STXBP4: variants seen among roughly 807,000 people sequenced by gnomAD.
STXBP4 encodes syntaxin binding protein 4, also known as syntaxin-binding protein 4.
In STXBP4, 55 loss-of-function variants were observed where a neutral mutation model predicts 76.1. That is an observed-to-expected ratio of 0.72 (90% CI 0.58 to 0.91). STXBP4 has a LOEUF of 0.91. Among genes scored for constraint, STXBP4 ranks in the 40% least tolerant of loss-of-function variants. STXBP4 has a pLI of 0.00. For missense variants in STXBP4, 618 were observed against 636.9 expected (o/e 0.97, Z 0.32); for synonymous variants, 201 against 220.2 (o/e 0.91, Z 0.77).
At chr17:55,042,795 A>T (rs981101666) in intron 10 of STXBP4, among the ~76,000 whole-genome samples, 2 of 152,162 alleles carry the variant, frequency 1.3e-5, no homozygotes, top group Non-Finnish European at 2.9e-5. Context: ...AACCAGATAC[A>T]TAATCGATAA....
intron 16 of STXBP4, among the ~76,000 whole-genome samples, chr17:55,113,773 C>G (rs2079750471): frequency 6.6e-6 from 1 of 152,076 alleles, no homozygotes; most frequent in Admixed American, 6.6e-5. Flanking sequence ...TAGTCCTTTT[C>G]TAACTTGCTA....
chr17:55,050,311 C>A (rs2078844086), intron 12 of STXBP4, among the ~76,000 whole-genome samples: 1 of 151,876 alleles, frequency 6.6e-6, no homozygotes, highest in South Asian at 2.1e-4. Context: ...AGGCAAAAGA[C>A]CTGAACAGAT....
At chr17:55,063,878 AC>A (rs1199823620) in intron 12 of STXBP4, among the ~76,000 whole-genome samples, 1 of 152,182 alleles carries the variant, frequency 6.6e-6, no homozygotes, top group African/African-American at 2.4e-5. Context: ...TTAAACATCT[AC>A]TTAGAAGCTG....
intron 16 of STXBP4, among the ~76,000 whole-genome samples, chr17:55,118,942 T>TTTTA (rs544402218): frequency 1.8e-4 from 26 of 147,262 alleles, no homozygotes; most frequent in Admixed American, 9.6e-4. Flanking sequence ...ATTAACTGAT[T>TTTTA]TATATATATA....
rs1375707348 is a variant in STXBP4, at chr17:55,159,971, A to G, written c.*60A>G. The G allele has an allele frequency of 3.8e-6, 4 of 1,049,838 alleles. No homozygotes were observed. The highest frequency in any genetic ancestry group is 5.9e-6 in the Non-Finnish European group (4 of 679,184). 65.0% of individuals were successfully genotyped at this position (1,049,838 alleles called of 1,614,324 possible). ...TGTGAGCAGAGACGCATAACATCCAATTCTGAGATGAAACAGTCTAAAATA... is the reference window on the plus strand; with the variant it reads ...TGTGAGCAGAGACGCATAACATCCAGTTCTGAGATGAAACAGTCTAAAATA... On this transcript the variant is annotated 3_prime_UTR_variant, in exon 18 of 18. Coordinates refer to ENST00000376352, the MANE Select transcript of STXBP4 (RefSeq NM_178509.6).
intron 4 of STXBP4, 126 bp downstream of exon 4, chr17:54,991,083 G>A (rs1598166103): frequency 1.9e-6 from 2 of 1,069,642 alleles, no homozygotes; most frequent in Non-Finnish European, 1.2e-6. Context: ...AAAATACAAA[G>A]GAATTAGAAG....
intron 16 of STXBP4, among the ~76,000 whole-genome samples, chr17:55,105,118 C>G (rs1174257051): frequency 2.0e-5 from 3 of 151,160 alleles, no homozygotes; most frequent in Admixed American, 2.0e-4. Flanking sequence ...GTGTCTCTAT[C>G]TCCTTCAGTT....
chr17:55,159,108 G>T (rs2080311498), intron 17 of STXBP4, among the ~76,000 whole-genome samples: 1 of 152,130 alleles, frequency 6.6e-6, no homozygotes, highest in African/African-American at 2.4e-5. Flanking sequence ...AGCCAGATGT[G>T]GTGGTGCGCA....
intron 16 of STXBP4, among the ~76,000 whole-genome samples, chr17:55,106,145 T>C (rs530777077): frequency 6.6e-6 from 1 of 152,350 alleles, no homozygotes; most frequent in South Asian, 2.1e-4. Context: ...TGCTCCTGTA[T>C]TGGGTGCATA....
chr17:54,988,414 TCTTAC>T (rs2077658475), intron 3 of STXBP4, among the ~76,000 whole-genome samples: 1 of 152,152 alleles, frequency 6.6e-6, no homozygotes, highest in Admixed American at 6.5e-5. Flanking sequence ...TACTTCCCTT[TCTTAC>T]CTTATCTTTC....
intron 16 of STXBP4, among the ~76,000 whole-genome samples, chr17:55,103,685 T>G (rs2079594273): frequency 6.6e-6 from 1 of 152,074 alleles, no homozygotes; most frequent in Non-Finnish European, 1.5e-5. Flanking sequence ...CAATGGTAGC[T>G]TGATGGGGAT....
chr17:55,024,422 C>G (rs962738543), intron 8 of STXBP4, among the ~76,000 whole-genome samples: 1 of 152,218 alleles, frequency 6.6e-6, no homozygotes, highest in African/African-American at 2.4e-5. Context: ...AGCCAGCGTG[C>G]AATTCATCAT....
chr17:55,047,046 T>A (rs2078799281), intron 11 of STXBP4, 43 bp from the exon 12 acceptor site: 1 of 1,215,994 alleles, frequency 8.2e-7, no homozygotes, highest in Non-Finnish European at 1.2e-6. Context: ...CACTTGTTAA[T>A]ACTTTCATAA....
the STXBP4 span, among the ~76,000 whole-genome samples, chr17:55,184,383 G>A: frequency 6.6e-6 from 1 of 152,158 alleles, no homozygotes; most frequent in East Asian, 1.9e-4. Flanking sequence ...ATGCCATTCA[G>A]TGAATCATCA....
intron 7 of STXBP4, among the ~76,000 whole-genome samples, chr17:55,005,316 G>A (rs917741480): frequency 1.3e-5 from 2 of 152,136 alleles, no homozygotes; most frequent in East Asian, 1.9e-4. Flanking sequence ...GATTAGACTC[G>A]TGACATTATA....
At chr17:55,090,143 G>T (rs1051016507) in intron 16 of STXBP4, among the ~76,000 whole-genome samples, 1 of 151,950 alleles carries the variant, frequency 6.6e-6, no homozygotes, top group East Asian at 1.9e-4. Flanking sequence ...AAGACAGGCT[G>T]GGGGTAGGGG....
chr17:54,999,487 T>C lies in STXBP4; in HGVS notation c.287+36T>C, dbSNP rs373587618. 2.3e-5 allele frequency: 36 copies of C among 1,539,656 alleles called. No homozygotes were observed. The African/African-American group carries it at 4.4e-4, about 19-fold the overall frequency. On this transcript the variant is annotated intron_variant, in intron 5 of 17. Transcript: ENST00000376352. The stretch of plus-strand genomic sequence containing the variant: ...TATCCATGAGATAGAATGAGTCATT[T>C]AGAATGTCTCCTTGAAAGCAGTAAT...
At chr17:55,030,587 A>G (rs2078489905) in intron 8 of STXBP4, among the ~76,000 whole-genome samples, 1 of 152,230 alleles carries the variant, frequency 6.6e-6, no homozygotes, top group South Asian at 2.1e-4. Flanking sequence ...GAATACAATT[A>G]ACAGTCTCTG....
At chr17:55,046,803 G>A (rs956869607) in intron 11 of STXBP4, among the ~76,000 whole-genome samples, 2 of 151,800 alleles carry the variant, frequency 1.3e-5, no homozygotes, top group African/African-American at 2.4e-5. Flanking sequence ...AACCAAAATT[G>A]TGTTAATATT....
Sources: allele counts gnomAD v4.1 joint callset (sites outside exome capture counted in the v4.1 genomes callset), GRCh38; gene constraint gnomAD v4.1.1; transcripts MANE v1.5; gene names NCBI Gene and HGNC (gene_info 2026-07-23, HGNC 2026-07-21).